Variants in KLF8 observed in about 807,000 individuals in gnomAD.
KLF8 encodes Krueppel-like factor 8.
A neutral mutation model predicts 18.2 loss-of-function variants in KLF8; 10 were observed. The observed-to-expected ratio is 0.55, with a 90% CI of 0.34 to 0.93. The LOEUF (loss-of-function observed/expected upper bound fraction) is 0.93, where lower values mean the gene tolerates loss of function less well. Ranked by LOEUF, KLF8 falls within the 40% of genes least tolerant of loss-of-function variation. The probability of loss-of-function intolerance (pLI) is 0.02; values close to 1 mark genes in which losing one functional copy is unlikely to be tolerated. For missense variants in KLF8, 264 were observed against 277.9 expected (o/e 0.95, Z 0.36); for synonymous variants, 109 against 97.3 (o/e 1.12, Z -0.71).
At chrX:55,910,455 G>A in the KLF8 span, among the ~76,000 whole-genome samples, 15,316 of 110,937 alleles carry the variant, frequency 0.14, 1,991 homozygotes, top group African/African-American at 0.42. Flanking sequence ...TGAAGTGAGG[G>A]AGCCAGCCGT....
At chrX:56,049,593 A>G in the KLF8 span, among the ~76,000 whole-genome samples, 45 of 102,845 alleles carry the variant, frequency 4.4e-4, no homozygotes, top group African/African-American at 1.6e-3. Context: ...ATATTGAACC[A>G]GCCTTGCATC....
rs1216755790 is a variant in KLF8, at chrX:56,290,550, AG to A, written c.*6058del. Among the ~76,000 whole-genome samples, 1 of 111,726 alleles carries A rather than the reference AG, an allele frequency of 9.0e-6. No homozygotes were observed. Among genetic ancestry groups the A allele is most frequent in the Non-Finnish European group, 1.9e-5 (1 of 53,105 alleles). ...ATACTTGAAATGTATTAGGACCTAA[AG>A]GAAGAGGTAGGCAAAATTCATTGCT... On this transcript the variant is annotated 3_prime_UTR_variant, in exon 6 of 6. Transcript: ENST00000468660.
Position 56,289,514 on chromosome X carries a change from T to C in KLF8, c.*5020T>C, listed in dbSNP as rs1369701840. Among the ~76,000 whole-genome samples, 1 of 111,984 alleles carries C rather than the reference T, an allele frequency of 8.9e-6. No homozygotes were observed. The highest frequency in any genetic ancestry group is 3.2e-5 in the African/African-American group (1 of 30,783). Reference sequence around the variant, plus strand: ...TACTATCCTATGTATATGCACATTCTATAAATATTTCTATATGTAATCACC... The same window carrying C: ...TACTATCCTATGTATATGCACATTCCATAAATATTTCTATATGTAATCACC... On this transcript the variant is annotated 3_prime_UTR_variant, in exon 6 of 6. Coordinates refer to ENST00000468660, the MANE Select transcript of KLF8 (RefSeq NM_007250.5).
chrX:55,913,505 A>G, the KLF8 span, among the ~76,000 whole-genome samples: 2 of 111,495 alleles, frequency 1.8e-5, no homozygotes, highest in East Asian at 5.6e-4. Context: ...GGATACAAAG[A>G]CAGACTCACA....
the KLF8 span, among the ~76,000 whole-genome samples, chrX:56,180,423 C>A: frequency 9.0e-6 from 1 of 111,030 alleles, no homozygotes; most frequent in Non-Finnish European, 1.9e-5. Flanking sequence ...CCTCTGGATT[C>A]GTTTATTTTT....
chrX:56,153,356 G>GAA, the KLF8 span, among the ~76,000 whole-genome samples: 2 of 99,106 alleles, frequency 2.0e-5, no homozygotes, highest in Middle Eastern at 0.01. Flanking sequence ...CTCATCTCAA[G>GAA]AAAAAAAAAA....
the KLF8 span, among the ~76,000 whole-genome samples, chrX:56,093,080 T>A: frequency 9.5e-6 from 1 of 105,099 alleles, no homozygotes; most frequent in Non-Finnish European, 2.0e-5. Context: ...GTGACACGCA[T>A]GTAATAAAAA....
At chrX:56,257,786 T>C (rs1379770740) in intron 2 of KLF8, among the ~76,000 whole-genome samples, 1 of 112,627 alleles carries the variant, frequency 8.9e-6, no homozygotes, top group African/African-American at 3.2e-5. Context: ...TGATTTCATG[T>C]CTTTGCTATT....
At chrX:56,169,291 C>T in the KLF8 span, among the ~76,000 whole-genome samples, 1 of 111,585 alleles carries the variant, frequency 9.0e-6, no homozygotes, top group East Asian at 2.8e-4. Context: ...CAGGAAGACA[C>T]TCTTTTTGCT....
chrX:56,092,921 C>T, the KLF8 span, among the ~76,000 whole-genome samples: 2 of 106,660 alleles, frequency 1.9e-5, no homozygotes, highest in Non-Finnish European at 3.9e-5. Flanking sequence ...ATGAGCTCAT[C>T]GATGGACTGG....
At chrX:55,980,816 C>G in the KLF8 span, among the ~76,000 whole-genome samples, 1 of 112,133 alleles carries the variant, frequency 8.9e-6, no homozygotes, top group Non-Finnish European at 1.9e-5. Context: ...AGTGTGCGAA[C>G]TGTTATTTGC....
chrX:56,062,587 C>G, the KLF8 span, among the ~76,000 whole-genome samples: 2 of 111,946 alleles, frequency 1.8e-5, no homozygotes, highest in Non-Finnish European at 3.8e-5. Context: ...TTGTGGGTAA[C>G]CACACCTTTC....
chrX:55,912,652 A>T, the KLF8 span, among the ~76,000 whole-genome samples: 1 of 111,099 alleles, frequency 9.0e-6, no homozygotes, highest in African/African-American at 3.3e-5. Flanking sequence ...TAAGAGATCC[A>T]TCGTCTCCTG....
intron 5 of KLF8, among the ~76,000 whole-genome samples, chrX:56,283,432 C>T (rs774182259): frequency 3.6e-5 from 4 of 111,521 alleles, no homozygotes; most frequent in South Asian, 3.8e-4. Context: ...AGTGCAGTGG[C>T]GCAATCTCGG....
At chrX:56,001,436 C>A in the KLF8 span, among the ~76,000 whole-genome samples, 2 of 111,999 alleles carry the variant, frequency 1.8e-5, no homozygotes, top group African/African-American at 6.5e-5. Context: ...ATGCTTTAGA[C>A]CCTACTCACT....
chrX:55,937,154 C>T, the KLF8 span, among the ~76,000 whole-genome samples: 4 of 110,601 alleles, frequency 3.6e-5, no homozygotes, highest in South Asian at 7.8e-4. Context: ...CTCACACGGC[C>T]GGGTACTCCT....
chrX:56,090,451 A>G, the KLF8 span, among the ~76,000 whole-genome samples: 1 of 112,234 alleles, frequency 8.9e-6, no homozygotes, highest in East Asian at 2.8e-4. Flanking sequence ...AAACTTATGT[A>G]TTTCAAATGT....
At chrX:55,946,829 C>T in the KLF8 span, among the ~76,000 whole-genome samples, 115 of 111,385 alleles carry the variant, frequency 1.0e-3, no homozygotes, top group African/African-American at 3.7e-3. Flanking sequence ...GGGCAAAGGA[C>T]ATGAACAGAC....
the KLF8 span, among the ~76,000 whole-genome samples, chrX:56,051,758 C>G: frequency 1.0e-4 from 11 of 107,280 alleles, no homozygotes; most frequent in Middle Eastern, 4.7e-3. Context: ...TGGAGTTGCT[C>G]TTCTCGAGGA....
Sources: allele counts gnomAD v4.1 joint callset (sites outside exome capture counted in the v4.1 genomes callset), GRCh38; gene constraint gnomAD v4.1.1; transcripts MANE v1.5; gene names NCBI Gene and HGNC (gene_info 2026-07-23, HGNC 2026-07-21).